Variants in PSD2 observed in about 807,000 individuals in gnomAD.
PSD2 encodes pleckstrin and Sec7 domain containing 2.
Under a neutral mutation model 69.8 loss-of-function variants are expected in PSD2, and 38 were observed. That is an observed-to-expected ratio of 0.54 (90% CI 0.42 to 0.71). The LOEUF is 0.71. Ranked by LOEUF, PSD2 falls within the 30% of genes least tolerant of loss-of-function variation. PSD2 has a pLI of 0.00. For missense variants in PSD2, 943 were observed against 1,014.5 expected (o/e 0.93, Z 0.96); for synonymous variants, 412 against 423.0 (o/e 0.97, Z 0.32).
At chr5:139,838,498 C>T in intron 12 of PSD2, 130 bp from the exon 13 acceptor site, 1 of 991,560 alleles carries the variant, frequency 1.0e-6, no homozygotes, top group South Asian at 1.6e-5. Flanking sequence ...CCTCCCTCTC[C>T]CCTTTATCCA....
At chr5:139,762,347 A>G in the PSD2 span, among the ~76,000 whole-genome samples, 39 of 148,908 alleles carry the variant, frequency 2.6e-4, no homozygotes, top group Admixed American at 5.3e-4. Context: ...CCAGTCCTTC[A>G]TTCGTTTTTT....
At chr5:139,773,921 A>C in the PSD2 span, among the ~76,000 whole-genome samples, 1 of 152,056 alleles carries the variant, frequency 6.6e-6, no homozygotes, top group African/African-American at 2.4e-5. Context: ...GAACCCTTTT[A>C]TATTCCTACC....
intron 1 of PSD2, among the ~76,000 whole-genome samples, chr5:139,805,707 C>T (rs1219303215): frequency 6.6e-6 from 1 of 151,542 alleles, no homozygotes; most frequent in Non-Finnish European, 1.5e-5. Context: ...AAAGAGCATT[C>T]TAGGCCACGG....
At chr5:139,747,107 T>A in the PSD2 span, among the ~76,000 whole-genome samples, 1 of 152,200 alleles carries the variant, frequency 6.6e-6, no homozygotes, top group South Asian at 2.1e-4. This position sits in a 1 kb window ranked among gnomAD's most constrained non-coding sequence, Gnocchi z 6.7. Context: ...TATCTCCACA[T>A]CTCCATCTCC....
At position 139,842,786 on chromosome 5, in the gene PSD2, T is replaced by A. The variant is rs1196603666; in HGVS notation, c.*312T>A. On this transcript the variant is annotated 3_prime_UTR_variant, in exon 15 of 15. Transcript: ENST00000274710. ...GCTGGAGAAGCTGGAAGGGCTGTTG[T>A]CTTCCCAGGTCTTTCTCTTCTCATC... 3.5e-6 allele frequency: 1 copy of A among 283,680 alleles called. No homozygotes were observed. The highest frequency in any genetic ancestry group is 6.7e-6 in the Non-Finnish European group (1 of 150,276). 17.6% of individuals were successfully genotyped at this position (283,680 alleles called of 1,614,324 possible). A position where few individuals can be genotyped will look rare whatever the true frequency, so the allele number is the denominator to read the frequency against.
the PSD2 span, among the ~76,000 whole-genome samples, chr5:139,766,134 T>C: frequency 2.6e-5 from 4 of 151,666 alleles, no homozygotes; most frequent in Non-Finnish European, 5.9e-5. Context: ...AGCAGAATGG[T>C]GGTGGGGGTG....
chr5:139,751,871 G>A, the PSD2 span, among the ~76,000 whole-genome samples: 3 of 146,676 alleles, frequency 2.0e-5, no homozygotes, highest in South Asian at 6.4e-4. Flanking sequence ...TCTGCTCACT[G>A]CAGCCTCAAC....
intron 2 of PSD2, among the ~76,000 whole-genome samples, 200 bp from the exon 3 acceptor site, chr5:139,813,109 C>T (rs1199262750): frequency 6.6e-6 from 1 of 152,210 alleles, no homozygotes; most frequent in African/African-American, 2.4e-5. Flanking sequence ...CCCAGGTCTG[C>T]TCTTTTCCCT....
chr5:139,788,613 C>T, the PSD2 span, among the ~76,000 whole-genome samples: 33 of 152,234 alleles, frequency 2.2e-4, no homozygotes, highest in Non-Finnish European at 3.1e-4. Context: ...CCACCCCATA[C>T]CACCCCGGCC....
In PSD2 at chr5:139,817,473, C is replaced by T. The variant is rs186814250; in HGVS notation, c.1017-8C>T. On this transcript the variant is annotated splice_region_variant and splice_polypyrimidine_tract_variant and intron_variant, in intron 4 of 14. Coordinates refer to ENST00000274710, the MANE Select transcript of PSD2 (RefSeq NM_032289.4). Reference sequence around the variant, plus strand: ...GCTTCTAACAGACATCCCATACTCTCCTGGCAGCAACGAGTTTAGCAGGCT... The same window carrying T: ...GCTTCTAACAGACATCCCATACTCTTCTGGCAGCAACGAGTTTAGCAGGCT... 2.5e-6 allele frequency: 4 copies of T among 1,613,266 alleles called. No individual in the cohort carries two copies. In the East Asian group the frequency reaches 6.7e-5, roughly 27 times the overall value.
At chr5:139,750,477 A>G in the PSD2 span, among the ~76,000 whole-genome samples, 5 of 152,026 alleles carry the variant, frequency 3.3e-5, no homozygotes, top group Non-Finnish European at 1.5e-5. Flanking sequence ...GTAACCCCCA[A>G]CCTTCCAAAG....
chr5:139,755,756 G>A, the PSD2 span, among the ~76,000 whole-genome samples: 1,176 of 152,048 alleles, frequency 7.7e-3, 16 homozygotes, highest in African/African-American at 0.027. Context: ...GTGTGACTGT[G>A]TGTGAGACTG....
At chr5:139,835,590 G>A (rs189046691) in intron 8 of PSD2, 133 bp from the exon 9 acceptor site, 1 of 845,382 alleles carries the variant, frequency 1.2e-6, no homozygotes, top group Admixed American at 1.8e-5. Flanking sequence ...CAGCAAATAA[G>A]TATGAATCAA....
the PSD2 span, among the ~76,000 whole-genome samples, chr5:139,762,200 G>A: frequency 6.6e-6 from 1 of 151,818 alleles, no homozygotes; most frequent in African/African-American, 2.4e-5. Flanking sequence ...GCACCACCAT[G>A]CCTGGCTAAT....
upstream of PSD2, among the ~76,000 whole-genome samples, chr5:139,794,735 G>A (rs1290432237): frequency 6.6e-6 from 1 of 152,164 alleles, no homozygotes; most frequent in Non-Finnish European, 1.5e-5. Context: ...CAGTGGCAGG[G>A]CCTGACTCTA....
chr5:139,840,124 A>G lies in PSD2; in HGVS notation c.2066A>G (p.Lys689Arg), dbSNP rs763638665. ...CCAGTCGAGAGGGGCATCAAGTCCAAGGAGGCCGAGGAGTACCGGTTGAAG... is the reference window on the plus strand; with the variant it reads ...CCAGTCGAGAGGGGCATCAAGTCCAGGGAGGCCGAGGAGTACCGGTTGAAG... ...CHPVERGIKS[K>R]EAEEYRLKEH... The change falls in exon 14 of 15, where the codon AAG (lysine) becomes AGG (arginine). Residue 689 changes from lysine (K) to arginine (R), a missense_variant. By Grantham distance (26) the Lys-to-Arg change is conservative (BLOSUM62 2). Transcript: ENST00000274710. 5.0e-6 allele frequency: 8 copies of G among 1,614,216 alleles called. No homozygotes were observed. The highest frequency in any genetic ancestry group is 6.8e-6 in the Non-Finnish European group (8 of 1,180,044).
At chr5:139,796,031 G>A (rs1759516273) in intron 1 of PSD2, 56 bp downstream of exon 1, 1 of 127,420 alleles carries the variant, frequency 7.8e-6, no homozygotes, top group African/African-American at 3.0e-5. Context: ...GGCCAGGCCG[G>A]GGCGGGACGG....
intron 1 of PSD2, among the ~76,000 whole-genome samples, chr5:139,800,395 C>G (rs1325178946): frequency 6.6e-6 from 1 of 152,246 alleles, no homozygotes; most frequent in Non-Finnish European, 1.5e-5. Flanking sequence ...GTTGTCGCCT[C>G]TCCCACATGC....
At chr5:139,826,356 A>G (rs908646405) in intron 7 of PSD2, among the ~76,000 whole-genome samples, 14 of 152,238 alleles carry the variant, frequency 9.2e-5, no homozygotes, top group African/African-American at 3.4e-4. Context: ...GATCAACCCA[A>G]CAGACAAGAT....
Sources: allele counts gnomAD v4.1 joint callset (sites outside exome capture counted in the v4.1 genomes callset), GRCh38; gene constraint gnomAD v4.1.1; non-coding constraint Gnocchi (gnomAD v3.1); transcripts MANE v1.5; gene names NCBI Gene and HGNC (gene_info 2026-07-23, HGNC 2026-07-21).